DAB1: variants seen among roughly 807,000 people sequenced by gnomAD.
DAB1 encodes disabled homolog 1.
Under a neutral mutation model 64.6 loss-of-function variants are expected in DAB1, and 15 were observed. The ratio of observed to expected loss-of-function variants is 0.23; its 90% CI spans 0.16 to 0.36. The LOEUF is 0.36. DAB1 is among the 10% of genes least tolerant of loss of function. The pLI, the probability that DAB1 is intolerant of heterozygous loss-of-function variation, is 1.00. For missense variants in DAB1, 596 were observed against 706.7 expected (o/e 0.84, Z 1.78); for synonymous variants, 235 against 251.9 (o/e 0.93, Z 0.64).
At position 57,434,136 on chromosome 1, in the gene DAB1, T is replaced by G. The variant is rs115430952; in HGVS notation, n.626-142970A>C. On this transcript the variant is annotated intron_variant and non_coding_transcript_variant, in intron 7 of 20. Transcript: ENST00000485760. ...AGGAGTACTTGTAGGTATTCCACTTTTAGGTATTTACCCAAGAGAAATAAA... is the reference window on the plus strand; with the variant it reads ...AGGAGTACTTGTAGGTATTCCACTTGTAGGTATTTACCCAAGAGAAATAAA... Among the ~76,000 whole-genome samples the G allele has an allele frequency of 4.9e-3, 753 of 152,268 alleles. 8 individuals carry two copies. Among genetic ancestry groups the G allele is most frequent in the African/African-American group, 0.017 (700 of 41,566 alleles).
chr1:57,641,540 C>G (rs936832914), intron 7 of DAB1, among the ~76,000 whole-genome samples: 1 of 151,838 alleles, frequency 6.6e-6, no homozygotes, highest in Admixed American at 6.6e-5. Flanking sequence ...CCCGCCACTA[C>G]GCCTGGCTAA....
chr1:57,394,332 C>G (rs1287057862), intron 1 of DAB1, among the ~76,000 whole-genome samples: 1 of 152,222 alleles, frequency 6.6e-6, no homozygotes, highest in African/African-American at 2.4e-5. Flanking sequence ...AACAGCAACA[C>G]AGTTACCTTA....
chr1:57,712,401 G>A (rs1647038189), intron 6 of DAB1, among the ~76,000 whole-genome samples: 2 of 152,158 alleles, frequency 1.3e-5, no homozygotes, highest in African/African-American at 4.8e-5. Context: ...TATCACAAGG[G>A]ACAGTTAAAA....
intron 7 of DAB1, among the ~76,000 whole-genome samples, chr1:57,491,434 A>G (rs916297932): frequency 1.3e-5 from 2 of 152,036 alleles, no homozygotes; most frequent in African/African-American, 4.8e-5. Context: ...TCTCAAAAAA[A>G]TAAAAATTAA....
At chr1:57,622,007 G>C (rs1645865490) in intron 7 of DAB1, among the ~76,000 whole-genome samples, 1 of 152,190 alleles carries the variant, frequency 6.6e-6, no homozygotes, top group Non-Finnish European at 1.5e-5. Flanking sequence ...TAGCTTAAAT[G>C]TGTGATGCAA....
At chr1:57,733,130 A>C (rs1004285638) in intron 6 of DAB1, among the ~76,000 whole-genome samples, 1 of 152,084 alleles carries the variant, frequency 6.6e-6, no homozygotes, top group South Asian at 2.1e-4. Flanking sequence ...GAAGATAAGG[A>C]AATCAACCAC....
chr1:58,223,871 T>C (rs1004149570), intron 4 of DAB1, among the ~76,000 whole-genome samples: 8 of 152,188 alleles, frequency 5.3e-5, no homozygotes, highest in African/African-American at 1.9e-4. Context: ...ACAAACCAAT[T>C]TTCTGCTGGG....
intron 3 of DAB1, among the ~76,000 whole-genome samples, chr1:58,362,164 C>T (rs1247592765): frequency 6.6e-6 from 1 of 152,140 alleles, no homozygotes; most frequent in African/African-American, 2.4e-5. Flanking sequence ...CCAGAAACTG[C>T]TCCATCCCAG....
chr1:57,071,157 A>C, intron 6 of DAB1, 96 bp from the exon 7 acceptor site: 2 of 1,212,160 alleles, frequency 1.6e-6, no homozygotes, highest in South Asian at 1.3e-5. Flanking sequence ...TAAAGAAACC[A>C]GCTCTGGGCA....
At chr1:57,203,245 T>C (rs1665251997) in intron 2 of DAB1, among the ~76,000 whole-genome samples, 1 of 152,194 alleles carries the variant, frequency 6.6e-6, no homozygotes, top group Non-Finnish European at 1.5e-5. Context: ...CTCCACTAGA[T>C]AAATTCATTA....
chr1:58,168,410 C>A (rs750248039), intron 4 of DAB1, among the ~76,000 whole-genome samples: 1 of 152,146 alleles, frequency 6.6e-6, no homozygotes, highest in Non-Finnish European at 1.5e-5. Flanking sequence ...TATCCTGACA[C>A]TTGCCTCCTG....
At chr1:57,991,845 C>CAAAAAAAA (rs56324635) in intron 5 of DAB1, among the ~76,000 whole-genome samples, 1 of 60,152 alleles carries the variant, frequency 1.7e-5, no homozygotes, top group Non-Finnish European at 2.8e-5. Flanking sequence ...GGCTCTGTCT[C>CAAAAAAAA]AAAAAAAAAA....
chr1:58,128,119 T>A (rs528258779), intron 5 of DAB1, among the ~76,000 whole-genome samples: 2 of 152,238 alleles, frequency 1.3e-5, no homozygotes, highest in African/African-American at 4.8e-5. Context: ...TTTGTTTGTA[T>A]CCTCTTTTAT....
chr1:57,176,972 T>A (rs6692110), intron 2 of DAB1, among the ~76,000 whole-genome samples: 36,397 of 73,462 alleles, frequency 0.5, 6,538 homozygotes, highest in African/African-American at 0.54. Flanking sequence ...GCAGCAGATA[T>A]AAAAAAAAAA....
chr1:57,466,152 C>G (rs1399657342), intron 7 of DAB1, among the ~76,000 whole-genome samples: 2 of 152,182 alleles, frequency 1.3e-5, no homozygotes, highest in African/African-American at 4.8e-5. Context: ...GTACAGTCAC[C>G]TCTAACTCAC....
intron 4 of DAB1, among the ~76,000 whole-genome samples, chr1:57,108,410 TC>T (rs763814049): frequency 6.6e-6 from 1 of 152,188 alleles, no homozygotes; most frequent in Non-Finnish European, 1.5e-5. Flanking sequence ...ATGCAGCAGT[TC>T]CTTCTCACCC....
chr1:57,967,819 A>G (rs76680803), intron 5 of DAB1, among the ~76,000 whole-genome samples: 1,788 of 152,292 alleles, frequency 0.012, 35 homozygotes, highest in African/African-American at 0.041. Flanking sequence ...AGGCATTTTG[A>G]TGAAGGTGGT....
intron 5 of DAB1, among the ~76,000 whole-genome samples, chr1:58,016,414 T>C (rs1299192781): frequency 6.6e-6 from 1 of 152,206 alleles, no homozygotes; most frequent in Admixed American, 6.5e-5. Flanking sequence ...GCCCACGGCA[T>C]GTTAAGTGAT....
intron 3 of DAB1, among the ~76,000 whole-genome samples, chr1:58,458,216 C>T (rs888229659): frequency 2.0e-5 from 3 of 152,224 alleles, no homozygotes; most frequent in Non-Finnish European, 4.4e-5. Flanking sequence ...TCAATAGCCA[C>T]ATGTGGCTAG....
Sources: gnomAD v4.1 joint callset for allele counts (sites outside exome capture counted in the v4.1 genomes callset) on GRCh38, gnomAD v4.1.1 for gene constraint, MANE v1.5 for transcripts, NCBI Gene and HGNC (gene_info 2026-07-23, HGNC 2026-07-21) for gene names.